The following UGT3A1 variants were observed in gnomAD, a reference collection of about 807,000 sequenced individuals.
UGT3A1 encodes the protein UDP-glycosyltransferase 3A1.
Under a neutral mutation model 37.6 loss-of-function variants are expected in UGT3A1, and 40 were observed. That is an observed-to-expected ratio of 1.06 (90% CI 0.83 to 1.38). The LOEUF is 1.38. Ranked by LOEUF, UGT3A1 falls within the 40% of genes most tolerant of loss-of-function variation. The pLI, the probability that UGT3A1 is intolerant of heterozygous loss-of-function variation, is 0.00. For missense variants in UGT3A1, 642 were observed against 634.2 expected, an observed-to-expected ratio of 1.01 and a Z score of -0.13; for synonymous variants, 256 against 232.3, an observed-to-expected ratio of 1.10 and a Z score of -0.93.
chr5:35,975,084 G>A (rs1740208128), intron 2 of UGT3A1, among the ~76,000 whole-genome samples: 1 of 152,202 alleles, frequency 6.6e-6, no homozygotes, highest in Non-Finnish European at 1.5e-5. Context: ...CAGCAGACAA[G>A]AACTTTAATA....
intron 2 of UGT3A1, among the ~76,000 whole-genome samples, chr5:35,978,069 T>A (rs1348851578): frequency 4.6e-5 from 7 of 152,152 alleles, no homozygotes; most frequent in Admixed American, 4.6e-4. Context: ...GAGTCTCACT[T>A]TGTCACCCAG....
chr5:35,982,392 C>T (rs1740561664), intron 2 of UGT3A1, among the ~76,000 whole-genome samples: 2 of 152,248 alleles, frequency 1.3e-5, no homozygotes, highest in South Asian at 2.1e-4. Flanking sequence ...CAAGCCCACC[C>T]CTTGCATCAG....
intron 6 of UGT3A1, 147 bp from the exon 7 acceptor site, chr5:35,954,625 G>T: frequency 1.0e-6 from 1 of 973,324 alleles, no homozygotes; most frequent in Non-Finnish European, 1.5e-6. Context: ...TGTTGGCATG[G>T]CCTTGCCACG....
upstream of UGT3A1, chr5:35,991,475 T>G: frequency 1.5e-6 from 2 of 1,353,604 alleles, no homozygotes; most frequent in Non-Finnish European, 1.9e-6. Context: ...CTACCTGAAG[T>G]CAGTAGGAGG....
In UGT3A1 at chr5:35,972,494, CGTGTGTGT is replaced by C. The variant is rs4024103; in HGVS notation, c.197-4369_197-4362del. On this transcript the variant is annotated intron_variant, in intron 2 of 6. Coordinates refer to ENST00000274278, the MANE Select transcript of UGT3A1 (RefSeq NM_152404.4). ...TTATGTAAACCAAGTCCTTGAAATA[CGTGTGTGT>C]GTGTGTGTGTGTGTGTGTGTGTGTG... is the stretch of plus-strand genomic sequence containing the variant. Among the ~76,000 whole-genome samples, 227 of 141,436 alleles carry C rather than the reference CGTGTGTGT, an allele frequency of 1.6e-3. 2 individuals carry two copies. Among genetic ancestry groups the C allele is most frequent in the South Asian group, 3.1e-3 (13 of 4,158 alleles). The allele number at this position is 141,436 out of a possible 152,430, so 92.8% of individuals were successfully genotyped here.
chr5:35,971,128 C>T (rs552445894), intron 2 of UGT3A1, among the ~76,000 whole-genome samples: 2 of 152,268 alleles, frequency 1.3e-5, no homozygotes, highest in African/African-American at 4.8e-5. Context: ...TCACTGCCAG[C>T]AAGACCATCA....
At position 35,953,115 on chromosome 5, in the gene UGT3A1, A is replaced by G. The variant is rs1739228325; in HGVS notation, c.*1087T>C. On this transcript the variant is annotated 3_prime_UTR_variant, in exon 7 of 7. Coordinates refer to ENST00000274278, the MANE Select transcript of UGT3A1 (RefSeq NM_152404.4). ...GCATTTGACAGTTTTATTACAGTGG[A>G]ATTTCATTTTATTTCAGAACTCTAA... 1 of 152,352 alleles carries G rather than the reference A, an allele frequency of 6.6e-6. No homozygotes were observed. Among genetic ancestry groups the G allele is most frequent in the Non-Finnish European group, 1.5e-5 (1 of 68,032 alleles). 9.4% of individuals were successfully genotyped at this position (152,352 alleles called of 1,614,324 possible). A position where few individuals can be genotyped will look rare whatever the true frequency, so the allele number is the denominator to read the frequency against.
intron 2 of UGT3A1, among the ~76,000 whole-genome samples, chr5:35,970,678 C>T (rs945059944): frequency 1.3e-5 from 2 of 152,070 alleles, no homozygotes; most frequent in African/African-American, 4.8e-5. Flanking sequence ...ATTGGCTTAA[C>T]AAAAAGGGAT....
At position 35,954,161 on chromosome 5, in the gene UGT3A1, G is replaced by T; in HGVS notation, c.*41C>A. 6.3e-7 allele frequency: 1 copy of T among 1,594,290 alleles called. No homozygotes were observed. Among genetic ancestry groups the T allele is most frequent in the Non-Finnish European group, 8.6e-7 (1 of 1,169,014 alleles). On this transcript the variant is annotated 3_prime_UTR_variant, in exon 7 of 7. Transcript: ENST00000274278. ...GCTGGGGTGGGGAGAACCTTCAAAGGACCAGGGATGCCCTCCCCTCACCCA... is the reference window on the plus strand; with the variant it reads ...GCTGGGGTGGGGAGAACCTTCAAAGTACCAGGGATGCCCTCCCCTCACCCA...
At chr5:35,998,221 C>T (rs996473828) in intron 1 of UGT3A1, among the ~76,000 whole-genome samples, 18 of 152,084 alleles carry the variant, frequency 1.2e-4, no homozygotes, top group African/African-American at 4.3e-4. Context: ...TTTTTGCACA[C>T]GAAATTGTGG....
chr5:35,965,961 T>A, intron 3 of UGT3A1, 44 bp from the exon 4 acceptor site: 1 of 1,389,132 alleles, frequency 7.2e-7, no homozygotes, highest in Non-Finnish European at 9.5e-7. Flanking sequence ...GAAAGTGTAA[T>A]TTTACAGTAT....
rs193207739 is a variant in UGT3A1 at position 35,984,042 on chromosome 5, G to A, written c.196+4408C>T. ...ACTTTTATTCAACATCATAGTGGAA[G>A]TTCTGGACAGAGAAGTTAGGCAAGA... On this transcript the variant is annotated intron_variant, in intron 2 of 6. Coordinates refer to ENST00000274278, the MANE Select transcript of UGT3A1 (RefSeq NM_152404.4). Among the ~76,000 whole-genome samples, 3 of 152,290 alleles carry A rather than the reference G, an allele frequency of 2.0e-5. No individual in the cohort carries two copies. In the East Asian group the frequency reaches 5.8e-4, roughly 29 times the overall value.
chr5:35,986,018 T>C (rs1015723867), intron 2 of UGT3A1, among the ~76,000 whole-genome samples: 1 of 151,946 alleles, frequency 6.6e-6, no homozygotes, highest in African/African-American at 2.4e-5. Context: ...AGCAAATAAA[T>C]AGTTAAAAAT....
chr5:35,980,063 G>A (rs1016209053), intron 2 of UGT3A1, among the ~76,000 whole-genome samples: 3 of 152,170 alleles, frequency 2.0e-5, no homozygotes, highest in African/African-American at 4.8e-5. Flanking sequence ...AGATTCTGGT[G>A]GGGACACAGT....
intron 2 of UGT3A1, among the ~76,000 whole-genome samples, chr5:35,996,894 A>C (rs1289118606): frequency 1.3e-5 from 2 of 152,234 alleles, no homozygotes; most frequent in African/African-American, 2.4e-5. Flanking sequence ...CACTTGCTAA[A>C]GGATGTCCCA....
chr5:35,985,992 G>C (rs529106240), intron 2 of UGT3A1, among the ~76,000 whole-genome samples: 1 of 152,042 alleles, frequency 6.6e-6, no homozygotes, highest in East Asian at 1.9e-4. Flanking sequence ...TATATAAACA[G>C]CTCAAACAAC....
chr5:35,957,194 G>T lies in UGT3A1; in HGVS notation c.1069C>A (p.Leu357Ile). 3 of 1,613,898 alleles carry T rather than the reference G, an allele frequency of 1.9e-6. No homozygotes were observed. In the African/African-American group the frequency reaches 4.0e-5, roughly 22 times the overall value. ...KIVDWLPQSD[L>I]LAHPSIRLFV... is the part of the protein sequence containing the mutation. ...AGACCTAAGCAGTCCTTACCCAGGA[G>T]GTCACTCTGAGGAAGCCAGTCCACA... Residue 357 changes from leucine (L) to isoleucine (I), a missense_variant, in exon 5 of 7, where the codon CTC becomes ATC. Transcript: ENST00000274278.
In UGT3A1 at chr5:35,976,135, G is replaced by A. The variant is rs141672044; in HGVS notation, c.197-8002C>T. Among the ~76,000 whole-genome samples, 203 of 152,124 alleles carry A rather than the reference G, an allele frequency of 1.3e-3. 1 individual carries two copies. The highest frequency in any genetic ancestry group is 4.5e-3 in the African/African-American group (186 of 41,504). On this transcript the variant is annotated intron_variant, in intron 2 of 6. Coordinates refer to ENST00000274278, the MANE Select transcript of UGT3A1 (RefSeq NM_152404.4). ...AAAGGAAGGAATGTTTCCACCAAGAGACACAAAAATAATTCTATTAAACAG... is the reference window on the plus strand; with the variant it reads ...AAAGGAAGGAATGTTTCCACCAAGAAACACAAAAATAATTCTATTAAACAG...
chr5:35,967,187 A>G (rs1460655257), intron 3 of UGT3A1, among the ~76,000 whole-genome samples: 2 of 152,212 alleles, frequency 1.3e-5, no homozygotes. Context: ...TAACAACACA[A>G]GATGCCATAG....
Sources: allele counts gnomAD v4.1 joint callset (sites outside exome capture counted in the v4.1 genomes callset), GRCh38; gene constraint gnomAD v4.1.1; transcripts MANE v1.5; gene names NCBI Gene and HGNC (gene_info 2026-07-23, HGNC 2026-07-21).